SLC8A1: variants seen among roughly 807,000 people sequenced by gnomAD.
SLC8A1 encodes sodium/calcium exchanger 1.
A neutral mutation model predicts 68.3 loss-of-function variants in SLC8A1; 18 were observed. The observed-to-expected ratio is 0.26, with a 90% confidence interval of 0.18 to 0.39. The LOEUF (loss-of-function observed/expected upper bound fraction) is 0.39, where lower values mean the gene tolerates loss of function less well. SLC8A1 is among the 10% of genes least tolerant of loss of function. The pLI is 1.00. For missense variants in SLC8A1, 985 were observed against 1,156.7 expected (o/e 0.85, Z 2.15); for synonymous variants, 475 against 415.5 (o/e 1.14, Z -1.74).
intron 2 of SLC8A1, among the ~76,000 whole-genome samples, chr2:40,358,332 T>C (rs1402448686): frequency 1.3e-5 from 2 of 150,134 alleles, no homozygotes; most frequent in East Asian, 1.9e-4. Context: ...TTCTAAAAAA[T>C]GTCCTTGTAG....
intron 2 of SLC8A1, among the ~76,000 whole-genome samples, chr2:40,230,426 T>C (rs1017538231): frequency 6.6e-6 from 1 of 152,132 alleles, no homozygotes; most frequent in Non-Finnish European, 1.5e-5. Context: ...GCTTTCATTA[T>C]AACAGCCACA....
At chr2:40,314,233 G>A (rs371995622) in intron 2 of SLC8A1, among the ~76,000 whole-genome samples, 151 of 151,954 alleles carry the variant, frequency 9.9e-4, no homozygotes, top group South Asian at 7.7e-3. Context: ...ACAATATTTC[G>A]GGAAGCATTT....
At chr2:40,397,136 G>C (rs933486656) in intron 2 of SLC8A1, among the ~76,000 whole-genome samples, 2 of 152,184 alleles carry the variant, frequency 1.3e-5, no homozygotes, top group Non-Finnish European at 2.9e-5. Context: ...AATGAGAACA[G>C]ATACACAGTG....
At chr2:40,313,046 A>T (rs1227856365) in intron 2 of SLC8A1, among the ~76,000 whole-genome samples, 2 of 152,130 alleles carry the variant, frequency 1.3e-5, no homozygotes, top group African/African-American at 2.4e-5. Flanking sequence ...TACCTTTGCC[A>T]TAATCAAGGT....
At chr2:40,395,499 G>T (rs1452036749) in intron 2 of SLC8A1, among the ~76,000 whole-genome samples, 1 of 152,070 alleles carries the variant, frequency 6.6e-6, no homozygotes, top group Non-Finnish European at 1.5e-5. Context: ...AGGCTACCCT[G>T]CTTGTGGTGT....
chr2:40,350,885 C>T (rs1451380606), intron 2 of SLC8A1, among the ~76,000 whole-genome samples: 1 of 151,846 alleles, frequency 6.6e-6, no homozygotes, highest in Non-Finnish European at 1.5e-5. Flanking sequence ...ATTAATATTG[C>T]CATTTCATAG....
intron 2 of SLC8A1, among the ~76,000 whole-genome samples, chr2:40,341,986 C>T (rs1667839569): frequency 6.6e-6 from 1 of 152,082 alleles, no homozygotes; most frequent in African/African-American, 2.4e-5. Context: ...AAGTAGGTAG[C>T]ATGACCTTTC....
At chr2:40,164,820 A>T (rs1472484275) in intron 5 of SLC8A1, 34 bp downstream of exon 8, 1 of 1,611,628 alleles carries the variant, frequency 6.2e-7, no homozygotes, top group East Asian at 2.2e-5. Flanking sequence ...CCAAGGTGAG[A>T]CTGGCTCCTG....
At chr2:40,193,175 C>T (rs114595415) in intron 2 of SLC8A1, among the ~76,000 whole-genome samples, 150 of 152,230 alleles carry the variant, frequency 9.9e-4, no homozygotes, top group African/African-American at 3.4e-3. Context: ...ATGTTGATCT[C>T]ACCATGACAG....
intron 1 of SLC8A1, among the ~76,000 whole-genome samples, chr2:40,438,043 T>A (rs78990465): frequency 6.6e-6 from 1 of 152,034 alleles, no homozygotes; most frequent in Non-Finnish European, 1.5e-5. Context: ...TTAACGTACC[T>A]TGAGTCTTGA....
chr2:40,391,193 C>CACACACATGTATATATATAT (rs758632454), intron 2 of SLC8A1, among the ~76,000 whole-genome samples: 1 of 150,668 alleles, frequency 6.6e-6, no homozygotes, highest in Non-Finnish European at 1.5e-5. Context: ...ATATATATTA[C>CACACACATGTATATATATAT]ACACACACAT....
intron 1 of SLC8A1, among the ~76,000 whole-genome samples, chr2:40,501,115 C>T (rs935462992): frequency 1.3e-5 from 2 of 151,952 alleles, no homozygotes; most frequent in African/African-American, 4.8e-5. Context: ...CTGGAAATCT[C>T]CCCGGTTATT....
intron 1 of SLC8A1, among the ~76,000 whole-genome samples, chr2:40,443,985 C>G (rs1700982474): frequency 6.6e-6 from 1 of 152,108 alleles, no homozygotes; most frequent in Non-Finnish European, 1.5e-5. Flanking sequence ...TCTTCCATGA[C>G]CCATCTCAAA....
chr2:40,425,565 AT>A (rs926478321), intron 2 of SLC8A1, among the ~76,000 whole-genome samples: 1 of 150,884 alleles, frequency 6.6e-6, no homozygotes, highest in Non-Finnish European at 1.5e-5. Context: ...TTAAACAAAC[AT>A]TTTTTTTTCA....
At chr2:40,360,019 A>G (rs1164428066) in intron 2 of SLC8A1, among the ~76,000 whole-genome samples, 1 of 152,106 alleles carries the variant, frequency 6.6e-6, no homozygotes, top group Non-Finnish European at 1.5e-5. Context: ...AAGAAAGAGA[A>G]TGTTTCTTTA....
intron 2 of SLC8A1, among the ~76,000 whole-genome samples, chr2:40,247,818 A>C (rs1346834921): frequency 6.6e-6 from 1 of 152,216 alleles, no homozygotes; most frequent in Non-Finnish European, 1.5e-5. Flanking sequence ...ACAGAAGTTA[A>C]GTGACTTTCT....
At chr2:40,486,556 A>C (rs1704979404) in intron 1 of SLC8A1, among the ~76,000 whole-genome samples, 1 of 152,128 alleles carries the variant, frequency 6.6e-6, no homozygotes, top group African/African-American at 2.4e-5. Flanking sequence ...TAAACATGAC[A>C]CTCTGTATTT....
At chr2:40,152,804 A>G (rs1188323450) in intron 6 of SLC8A1, among the ~76,000 whole-genome samples, 1 of 151,910 alleles carries the variant, frequency 6.6e-6, no homozygotes, top group Admixed American at 6.6e-5. Context: ...GATGTGTAAT[A>G]ATTACACAGA....
chr2:40,319,344 A>C (rs2074901161), intron 2 of SLC8A1, among the ~76,000 whole-genome samples: 1 of 152,092 alleles, frequency 6.6e-6, no homozygotes, highest in Admixed American at 6.6e-5. Context: ...TTGGAGGTAC[A>C]GGACTAAGGA....
Sources: gnomAD v4.1 joint callset for allele counts (sites outside exome capture counted in the v4.1 genomes callset) on GRCh38, gnomAD v4.1.1 for gene constraint, MANE v1.5 for transcripts, NCBI Gene and HGNC (gene_info 2026-07-23, HGNC 2026-07-21) for gene names.